Variants in CNTN6 observed in about 807,000 individuals in gnomAD.
CNTN6 encodes contactin-6.
In CNTN6, 137 loss-of-function variants were observed where a neutral mutation model predicts 122.8. That is an observed-to-expected ratio of 1.12 (90% CI 0.97 to 1.29). The LOEUF is 1.29. CNTN6 is among the 50% of genes most tolerant of loss of function. CNTN6 has a pLI of 0.00. For missense variants in CNTN6, 1,634 were observed against 1,223.4 expected (o/e 1.34, Z -5.01); for synonymous variants, 570 against 426.0 (o/e 1.34, Z -4.16).
intron 2 of CNTN6, among the ~76,000 whole-genome samples, chr3:1,158,452 G>C (rs1290501790): frequency 6.6e-6 from 1 of 152,130 alleles, no homozygotes; most frequent in Non-Finnish European, 1.5e-5. Context: ...CAGATGGGTA[G>C]TTTACAAATA....
intron 7 of CNTN6, among the ~76,000 whole-genome samples, chr3:1,307,375 C>G (rs1698528649): frequency 6.6e-6 from 1 of 151,958 alleles, no homozygotes; most frequent in Non-Finnish European, 1.5e-5. Flanking sequence ...TTCCTTTTTT[C>G]CCCTCTGTTC....
At chr3:1,131,476 C>T (rs957270447) in intron 1 of CNTN6, among the ~76,000 whole-genome samples, 3 of 151,976 alleles carry the variant, frequency 2.0e-5, no homozygotes, top group African/African-American at 7.3e-5. Flanking sequence ...AGATTAGCCC[C>T]AGAAGACAGG....
intron 7 of CNTN6, among the ~76,000 whole-genome samples, chr3:1,305,371 T>C (rs1281145688): frequency 6.6e-6 from 1 of 152,214 alleles, no homozygotes; most frequent in African/African-American, 2.4e-5. Context: ...TGGGGATATG[T>C]AACTGACTTC....
intron 6 of CNTN6, among the ~76,000 whole-genome samples, chr3:1,297,027 TCAAGAAAGTGAAAAAGAATAAAACCTAC>T (rs1295724380): frequency 6.6e-5 from 10 of 152,124 alleles, no homozygotes; most frequent in African/African-American, 2.4e-4. Flanking sequence ...ATATCAGATG[TCAAGAAAGTGAAAAAGAATAAAACCTAC>T]CAACTTAGTT....
At chr3:1,402,200 A>G (rs977953329) in intron 21 of CNTN6, 118 bp from the exon 22 acceptor site, 8 of 681,512 alleles carry the variant, frequency 1.2e-5, no homozygotes, top group African/African-American at 1.8e-5. Context: ...GGATATTTCC[A>G]TCTGAGGAGT....
chr3:1,379,717 C>T (rs1016930429), intron 17 of CNTN6, among the ~76,000 whole-genome samples: 1 of 152,012 alleles, frequency 6.6e-6, no homozygotes. Flanking sequence ...GGGTGGATAT[C>T]TGATATGCAG....
At chr3:1,226,109 C>T (rs1025342985) in intron 3 of CNTN6, among the ~76,000 whole-genome samples, 4 of 152,102 alleles carry the variant, frequency 2.6e-5, no homozygotes, top group Non-Finnish European at 4.4e-5. Flanking sequence ...AAACTCCTGG[C>T]CTCAAGCTAT....
chr3:1,358,858 A>T (rs962267871), intron 12 of CNTN6, among the ~76,000 whole-genome samples: 1 of 151,896 alleles, frequency 6.6e-6, no homozygotes, highest in South Asian at 2.1e-4. Context: ...ATTGCTTGAG[A>T]CCAGGAGTTC....
chr3:1,176,623 T>C (rs988873843), intron 2 of CNTN6, among the ~76,000 whole-genome samples: 6 of 152,188 alleles, frequency 3.9e-5, no homozygotes, highest in Non-Finnish European at 5.9e-5. Flanking sequence ...TATTCAAGTA[T>C]ATAGAGAAGT....
chr3:1,300,607 GAGA>G (rs1697215964), intron 7 of CNTN6, among the ~76,000 whole-genome samples: 1 of 140,710 alleles, frequency 7.1e-6, no homozygotes, highest in Admixed American at 7.0e-5. Flanking sequence ...GAAAGAAAGA[GAGA>G]AAGAAAGGAA....
intron 2 of CNTN6, among the ~76,000 whole-genome samples, chr3:1,157,648 C>T (rs547956785): frequency 1.3e-4 from 20 of 152,240 alleles, no homozygotes; most frequent in Admixed American, 3.3e-4. Context: ...CCCCTCCCGC[C>T]GTCCCAGTTT....
intron 1 of CNTN6, among the ~76,000 whole-genome samples, chr3:1,146,456 C>T (rs1203011429): frequency 1.3e-5 from 2 of 152,092 alleles, no homozygotes; most frequent in Non-Finnish European, 2.9e-5. Context: ...CATGTACACA[C>T]ACTCTTTGCC....
intron 17 of CNTN6, among the ~76,000 whole-genome samples, chr3:1,379,436 C>T (rs553907738): frequency 1.3e-5 from 2 of 151,948 alleles, no homozygotes; most frequent in Non-Finnish European, 2.9e-5. Flanking sequence ...AGAGGAAGGG[C>T]GAGGGTTGAA....
At chr3:1,159,345 G>T (rs189294131) in intron 2 of CNTN6, among the ~76,000 whole-genome samples, 1 of 152,050 alleles carries the variant, frequency 6.6e-6, no homozygotes, top group Non-Finnish European at 1.5e-5. Context: ...ACTGGACAAA[G>T]GGATGATTTC....
In CNTN6 at chr3:1,383,154, C is replaced by T. The variant is rs1386909588; in HGVS notation, c.2379C>T (p.Thr793=). 3.7e-6 allele frequency: 6 copies of T among 1,613,424 alleles called. No individual in the cohort carries two copies. Among genetic ancestry groups the T allele is most frequent in the African/African-American group, 1.3e-5 (1 of 75,004 alleles). Residue 793 remains threonine, a synonymous_variant, in exon 18 of 23, where the codon ACC becomes ACT. Coordinates refer to ENST00000446702, the MANE Select transcript of CNTN6 (RefSeq NM_001289080.2). ...NEGEGSLSTV[T]IVYSGEDEPQ... is the part of the protein sequence containing the mutation. ...GAGAAGGATCCCTGAGTACTGTGAC[C>T]ATTGTCTACTCTGGGGAAGATGGTA...
intron 7 of CNTN6, among the ~76,000 whole-genome samples, chr3:1,317,630 T>G (rs972095949): frequency 1.3e-5 from 2 of 151,706 alleles, no homozygotes; most frequent in Non-Finnish European, 2.9e-5. Flanking sequence ...CGTTTATACC[T>G]CACTGTCTCA....
intron 4 of CNTN6, among the ~76,000 whole-genome samples, chr3:1,245,266 TATATATATACACACACATATATATATAAC>T (rs2094555801): frequency 2.0e-4 from 1 of 5,110 alleles, no homozygotes; most frequent in Non-Finnish European, 3.8e-4. Flanking sequence ...AACATATATA[TATATATATACACACACATATATATATAAC>T]ATATATATAT....
At chr3:1,389,730 G>T (rs1156668531) in intron 20 of CNTN6, among the ~76,000 whole-genome samples, 2 of 149,784 alleles carry the variant, frequency 1.3e-5, no homozygotes, top group South Asian at 4.3e-4. Flanking sequence ...CTGAGCCAAT[G>T]GAAAACAAAA....
intron 20 of CNTN6, among the ~76,000 whole-genome samples, chr3:1,398,376 A>T (rs1297319063): frequency 6.6e-6 from 1 of 152,156 alleles, no homozygotes; most frequent in East Asian, 1.9e-4. Flanking sequence ...GTAGACTAAG[A>T]GATATTCTAA....
Sources: gnomAD v4.1 joint callset for allele counts (sites outside exome capture counted in the v4.1 genomes callset) on GRCh38, gnomAD v4.1.1 for gene constraint, MANE v1.5 for transcripts, NCBI Gene and HGNC (gene_info 2026-07-23, HGNC 2026-07-21) for gene names.